Variants in PXN observed in about 807,000 individuals in gnomAD.
PXN encodes paxillin.
In PXN, 61 loss-of-function variants were observed where a neutral mutation model predicts 103.6. The ratio of observed to expected loss-of-function variants is 0.59; its 90% CI spans 0.48 to 0.73. PXN has a LOEUF of 0.73. PXN is among the 30% of genes least tolerant of loss of function. The pLI, the probability that PXN is intolerant of heterozygous loss-of-function variation, is 0.00. For missense variants in PXN, 1,274 were observed against 1,460.3 expected (o/e 0.87, Z 2.08); for synonymous variants, 562 against 607.8 (o/e 0.92, Z 1.11).
Position 120,216,892 on chromosome 12 carries a change from G to T in PXN, c.1941C>A (p.Ile647=), listed in dbSNP as rs1192930354. The change falls in exon 8 of 15, where the codon ATC becomes ATA. Residue 647 remains isoleucine, a synonymous_variant. Coordinates refer to ENST00000637617, the MANE Select transcript of PXN (RefSeq NM_001385981.1). The surrounding 1 kb of genome is among the most constrained non-coding windows in gnomAD (Gnocchi z 5.1). ...GCTTCCCACGTGGCTGCACAGTGAT[G>T]ATGACGCCCTCGGTCAGCCAGTCCT... ...SAQDWLTEGV[I]ITVQPRGKRA... The T allele has an allele frequency of 6.6e-7, 1 of 1,519,348 alleles. No homozygotes were observed. The highest frequency in any genetic ancestry group is 1.7e-4 in the Middle Eastern group (1 of 5,880). 94.1% of individuals were successfully genotyped at this position (1,519,348 alleles called of 1,614,324 possible). A position where few individuals can be genotyped will look rare whatever the true frequency, so the allele number is the denominator to read the frequency against.
chr12:120,213,504 G>A lies in PXN; in HGVS notation c.2979+338C>T, dbSNP rs1178079057. The stretch of plus-strand genomic sequence containing the variant: ...CCCTGTGGGGCCCCCAGAATGCAGT[G>A]GTTTTGGAAACCACTGCCCATTTCT... On this transcript the variant is annotated intron_variant, in intron 14 of 14. Coordinates refer to ENST00000637617, the MANE Select transcript of PXN (RefSeq NM_001385981.1). This position sits in a 1 kb window ranked among gnomAD's most constrained non-coding sequence, Gnocchi z 4.2. 6.6e-6 allele frequency among the ~76,000 whole-genome samples: 1 copy of A among 152,224 alleles called. No homozygotes were observed. The highest frequency in any genetic ancestry group is 6.5e-5 in the Admixed American group (1 of 15,282).
chr12:120,260,837 T>C (rs1225606094), intron 1 of PXN, among the ~76,000 whole-genome samples: 3 of 152,094 alleles, frequency 2.0e-5, no homozygotes, highest in African/African-American at 7.2e-5. Context: ...CGTTACGGCA[T>C]ATGCCTGTAG....
chr12:120,225,979 G>A lies in PXN; in HGVS notation c.14-1602C>T. On this transcript the variant is annotated intron_variant, in intron 1 of 14. Coordinates refer to ENST00000637617, the MANE Select transcript of PXN (RefSeq NM_001385981.1). The surrounding 1 kb of genome is among the most constrained non-coding windows in gnomAD (Gnocchi z 4.4). ...CCCAGGACCCCGGGTCTGGTCGCCT[G>A]ACCTCCAAGGAAGTTCAGGTCCTAC... 1 of 913,388 alleles carries A rather than the reference G, an allele frequency of 1.1e-6. No homozygotes were observed. The highest frequency in any genetic ancestry group is 1.4e-6 in the Non-Finnish European group (1 of 733,254). 56.6% of individuals were successfully genotyped at this position (913,388 alleles called of 1,614,324 possible). A position where few individuals can be genotyped will look rare whatever the true frequency, so the allele number is the denominator to read the frequency against.
chr12:120,231,367 A>T lies in PXN; in HGVS notation c.14-6990T>A, dbSNP rs73415014. 7.5e-3 allele frequency among the ~76,000 whole-genome samples: 1,150 copies of T among 152,344 alleles called. 10 individuals carry two copies. The highest frequency in any genetic ancestry group is 0.027 in the African/African-American group (1,105 of 41,566). ...GGATGGATGAGAAACGATCAATACC[A>T]TAGTGTCATTTAAATATTTAATAGC... On this transcript the variant is annotated intron_variant, in intron 1 of 14. Transcript: ENST00000637617.
In PXN at chr12:120,216,547, C is replaced by T. The variant is rs981314061; in HGVS notation, c.2027G>A (p.Arg676Lys). ...VFPPGSPIPL[R>K]RTISVLASPS... ...AGAAGCCAGGACAGAGATGGTTCTT[C>T]TCAGGGGAATGGGAGAGCCAGGAGG... Residue 676 changes from arginine (R) to lysine (K), a missense_variant, in exon 9 of 15, where the codon AGA becomes AAA. Around this residue, in one of 2 missense-constraint regions of PXN, gnomAD observed 1,178 missense variants for 1,309.0 expected, o/e 0.90. Coordinates refer to ENST00000637617, the MANE Select transcript of PXN (RefSeq NM_001385981.1). This position sits in a 1 kb window ranked among gnomAD's most constrained non-coding sequence, Gnocchi z 5.1. The T allele has an allele frequency of 1.3e-5, 18 of 1,418,746 alleles. No homozygotes were observed. Among genetic ancestry groups the T allele is most frequent in the Non-Finnish European group, 1.6e-5 (17 of 1,095,492 alleles). 87.9% of individuals were successfully genotyped at this position (1,418,746 alleles called of 1,614,324 possible).
Position 120,215,655 on chromosome 12 carries a change from C to G in PXN, c.2308G>C (p.Gly770Arg), listed in dbSNP as rs201566328. 7.2e-4 allele frequency: 1,155 copies of G among 1,607,666 alleles called. No individual in the cohort carries two copies. Among genetic ancestry groups the G allele is most frequent in the Non-Finnish European group, 9.4e-4 (1,112 of 1,178,050 alleles). The part of the protein sequence containing the change: ...DPLFPPMQIQ[G>R]LEQRADGERC... ...TCCCCATCCGCTCTTTGCTCCAGGC[C>G]CTGGATCTTAGATAGGGGAAGAGAT... Residue 770 changes from glycine (G) to arginine (R), a missense_variant, in exon 10 of 15, where the codon GGC becomes CGC. Around this residue, in one of 2 missense-constraint regions of PXN, gnomAD observed 1,178 missense variants for 1,309.0 expected, o/e 0.90. Coordinates refer to ENST00000637617, the MANE Select transcript of PXN (RefSeq NM_001385981.1). This position sits in a 1 kb window ranked among gnomAD's most constrained non-coding sequence, Gnocchi z 4.9.
rs1477211527 is a variant in PXN, at chr12:120,224,316, C to A, written c.75G>T (p.Leu25Phe). 6.2e-6 allele frequency: 10 copies of A among 1,614,000 alleles called. No homozygotes were observed. The highest frequency in any genetic ancestry group is 8.5e-6 in the Non-Finnish European group (10 of 1,179,898). The change falls in exon 2 of 15, where the codon TTG becomes TTT. Residue 25 changes from leucine to phenylalanine, a missense_variant. Physicochemically the swap from Leu to Phe is conservative, Grantham distance 22. Coordinates refer to ENST00000637617, the MANE Select transcript of PXN (RefSeq NM_001385981.1). The surrounding 1 kb of genome is among the most constrained non-coding windows in gnomAD (Gnocchi z 5.0). ...TSHISKRPVF[L>F]SEETPYSYPT... ...GGTATGAGTAGGGGGTCTCCTCCGA[C>A]AAGAACACAGGCCGTTTGGAGATGT...
intron 1 of PXN, among the ~76,000 whole-genome samples, chr12:120,263,579 G>A (rs1894212157): frequency 6.6e-6 from 1 of 152,226 alleles, no homozygotes; most frequent in Admixed American, 6.5e-5. Flanking sequence ...CCTTGGGCAA[G>A]AGAATCAGCC....
At position 120,213,382 on chromosome 12, in the gene PXN, AAAAAG is replaced by A. The variant is rs147059105; in HGVS notation, c.2979+455_2979+459del. The stretch of plus-strand genomic sequence containing the variant: ...GCAACAGAGTGAGACTCCGTCTCAA[AAAAAG>A]AAAAGAAAAGAAAAGGCTCTGAGAA... On this transcript the variant is annotated intron_variant, in intron 14 of 14. Transcript: ENST00000637617. This position sits in a 1 kb window ranked among gnomAD's most constrained non-coding sequence, Gnocchi z 4.2. Among the ~76,000 whole-genome samples, 22,350 of 151,996 alleles carry A rather than the reference AAAAAG, an allele frequency of 0.15. 1,923 individuals are homozygous for A. Among genetic ancestry groups the A allele is most frequent in the East Asian group, 0.45 (2,284 of 5,118 alleles).
chr12:120,216,533 C>T lies in PXN; in HGVS notation c.2041G>A (p.Val681Ile). 1 of 1,408,650 alleles carries T rather than the reference C, an allele frequency of 7.1e-7. No individual in the cohort carries two copies. Among genetic ancestry groups the T allele is most frequent in the Admixed American group, 3.3e-5 (1 of 29,972 alleles). 87.3% of individuals were successfully genotyped at this position (1,408,650 alleles called of 1,614,324 possible). The change falls in exon 9 of 15, where the codon GTC becomes ATC. Residue 681 changes from valine to isoleucine, a missense_variant. This residue lies in a region of PXN where 1,178 missense variants were observed against 1,309.0 expected (regional missense o/e 0.90). Coordinates refer to ENST00000637617, the MANE Select transcript of PXN (RefSeq NM_001385981.1). The surrounding 1 kb of genome is among the most constrained non-coding windows in gnomAD (Gnocchi z 5.1). The part of the protein sequence containing the change: ...SPIPLRRTIS[V>I]LASPSVPLLQ... ...AAAGGGACAGAAGGAGAAGCCAGGA[C>T]AGAGATGGTTCTTCTCAGGGGAATG...
Position 120,219,365 on chromosome 12 carries a change from C to T in PXN, c.1558G>A (p.Gly520Arg), listed in dbSNP as rs756069093. 9.4e-6 allele frequency: 15 copies of T among 1,598,340 alleles called. No homozygotes were observed. The highest frequency in any genetic ancestry group is 1.3e-5 in the Non-Finnish European group (15 of 1,179,818). The change falls in exon 7 of 15, where the codon GGA (glycine) becomes AGA (arginine). Residue 520 changes from glycine to arginine, a missense_variant. This residue lies in a region of PXN where 1,178 missense variants were observed against 1,309.0 expected (regional missense o/e 0.90). Coordinates refer to ENST00000637617, the MANE Select transcript of PXN (RefSeq NM_001385981.1). The surrounding 1 kb of genome is among the most constrained non-coding windows in gnomAD (Gnocchi z 6.5). ...EQLGAKMTER[G>R]SVARPTQGPE... is the part of the protein sequence containing the mutation. ...CCCTGGGTTGGCCTGGCCACACTTC[C>T]CCTCTCGGTCATCTTTGCACCTAGC...
chr12:120,237,840 G>A (rs1387549449), intron 1 of PXN, among the ~76,000 whole-genome samples: 3 of 152,128 alleles, frequency 2.0e-5, no homozygotes, highest in Non-Finnish European at 4.4e-5. Flanking sequence ...GTGGTCTCAG[G>A]AGGGCCCATC....
chr12:120,214,233 G>T lies in PXN; in HGVS notation c.2749-16C>A. On this transcript the variant is annotated splice_polypyrimidine_tract_variant and intron_variant, in intron 12 of 14. Coordinates refer to ENST00000637617, the MANE Select transcript of PXN (RefSeq NM_001385981.1). This position sits in a 1 kb window ranked among gnomAD's most constrained non-coding sequence, Gnocchi z 5.0. ...TCACCACTTTCTGTGAAAGCAAAAT[G>T]TGGGATCAAGGCTGAGCTCTGGGCA... 1 of 1,549,186 alleles carries T rather than the reference G, an allele frequency of 6.5e-7. No individual in the cohort carries two copies.
At chr12:120,234,483 A>G (rs1888650091) in intron 1 of PXN, among the ~76,000 whole-genome samples, 1 of 152,174 alleles carries the variant, frequency 6.6e-6, no homozygotes, top group Non-Finnish European at 1.5e-5. Flanking sequence ...GCAGCACCAC[A>G]AAGCCCCCAC....
At chr12:120,260,353 T>C (rs1893680908) in intron 1 of PXN, among the ~76,000 whole-genome samples, 1 of 151,876 alleles carries the variant, frequency 6.6e-6, no homozygotes. Flanking sequence ...CTACTAAAAA[T>C]ACAAAATTAG....
chr12:120,232,112 C>A (rs372993729), intron 1 of PXN, among the ~76,000 whole-genome samples: 13 of 152,362 alleles, frequency 8.5e-5, no homozygotes, highest in African/African-American at 3.1e-4. Context: ...GCCTAGAATT[C>A]TTGGGCTCAA....
In PXN at chr12:120,222,229, G is replaced by A. The variant is rs961652565; in HGVS notation, c.695+320C>T. Among the ~76,000 whole-genome samples the A allele has an allele frequency of 6.6e-6, 1 of 152,216 alleles. No individual in the cohort carries two copies. The highest frequency in any genetic ancestry group is 2.4e-5 in the African/African-American group (1 of 41,452). On this transcript the variant is annotated intron_variant, in intron 5 of 14. Coordinates refer to ENST00000637617, the MANE Select transcript of PXN (RefSeq NM_001385981.1). The surrounding 1 kb of genome is among the most constrained non-coding windows in gnomAD (Gnocchi z 4.7). ...CCATAAGTTCTTGTCCCATTTTACA[G>A]ATGGGAAAACTAAGGCTTGAGAGCT... is the stretch of plus-strand genomic sequence containing the variant.
At position 120,215,947 on chromosome 12, in the gene PXN, G is replaced by A; in HGVS notation, c.2302-286C>T. On this transcript the variant is annotated intron_variant, in intron 9 of 14. Coordinates refer to ENST00000637617, the MANE Select transcript of PXN (RefSeq NM_001385981.1). The surrounding 1 kb of genome is among the most constrained non-coding windows in gnomAD (Gnocchi z 4.9). Reference sequence around the variant, plus strand: ...GGCCTCACCGGGCGCTGGGCCTGGGGGCTGGAAGGGAGGAGACAGGTTTCT... The same window carrying A: ...GGCCTCACCGGGCGCTGGGCCTGGGAGCTGGAAGGGAGGAGACAGGTTTCT... 1 of 1,387,928 alleles carries A rather than the reference G, an allele frequency of 7.2e-7. No individual in the cohort carries two copies. Among genetic ancestry groups the A allele is most frequent in the East Asian group, 2.7e-5 (1 of 36,530 alleles). The allele number at this position is 1,387,928 out of a possible 1,614,324, so 86.0% of individuals were successfully genotyped here. A position where few individuals can be genotyped will look rare whatever the true frequency, so the allele number is the denominator to read the frequency against.
rs1594353610 is a variant in PXN, at chr12:120,216,219, T to C, written c.2301+54A>G. On this transcript the variant is annotated intron_variant, in intron 9 of 14. Transcript: ENST00000637617. The surrounding 1 kb of genome is among the most constrained non-coding windows in gnomAD (Gnocchi z 5.1). ...ACGTGTGTGTGTGCAGAGTGGGGGA[T>C]GGCTCAGGCATTAGGACAGGGGACA... 3.9e-6 allele frequency: 5 copies of C among 1,267,200 alleles called. No individual in the cohort carries two copies. The highest frequency in any genetic ancestry group is 3.1e-5 in the East Asian group (1 of 31,882). The allele number at this position is 1,267,200 out of a possible 1,614,324, so 78.5% of individuals were successfully genotyped here.
Sources: allele counts gnomAD v4.1 joint callset (sites outside exome capture counted in the v4.1 genomes callset), GRCh38; gene constraint gnomAD v4.1.1; regional missense constraint gnomAD v4.1.1; non-coding constraint Gnocchi (gnomAD v3.1); transcripts MANE v1.5; gene names NCBI Gene and HGNC (gene_info 2026-07-23, HGNC 2026-07-21).